CAPN7: variants seen among roughly 807,000 people sequenced by gnomAD.
CAPN7 encodes calpain-7.
Under a neutral mutation model 115.2 loss-of-function variants are expected in CAPN7, and 72 were observed. The ratio of observed to expected loss-of-function variants is 0.63; its 90% CI spans 0.52 to 0.76. The LOEUF (loss-of-function observed/expected upper bound fraction) is 0.76. Ranked by LOEUF, CAPN7 falls within the 30% of genes least tolerant of loss-of-function variation. The pLI is 0.00. For missense variants in CAPN7, 905 were observed against 971.5 expected (o/e 0.93, Z 0.91); for synonymous variants, 344 against 322.3 (o/e 1.07, Z -0.72).
chr3:15,243,279 C>T (rs1695460404), intron 16 of CAPN7, among the ~76,000 whole-genome samples: 1 of 152,152 alleles, frequency 6.6e-6, no homozygotes, highest in Non-Finnish European at 1.5e-5. Context: ...GAGGTCAGAT[C>T]ACATGAGGTT....
chr3:15,230,863 T>TA (rs1001970417), intron 9 of CAPN7, among the ~76,000 whole-genome samples: 1 of 152,208 alleles, frequency 6.6e-6, no homozygotes, highest in Non-Finnish European at 1.5e-5. Flanking sequence ...TCAGACAAAC[T>TA]AAATCTGTTA....
chr3:15,214,459 A>G (rs2045130339), intron 2 of CAPN7, among the ~76,000 whole-genome samples: 2 of 152,112 alleles, frequency 1.3e-5, no homozygotes, highest in African/African-American at 4.8e-5. Flanking sequence ...ACAGTGGCTC[A>G]TGCCTGTAAT....
intron 6 of CAPN7, among the ~76,000 whole-genome samples, chr3:15,224,747 GAAAA>G (rs536531349): frequency 6.7e-6 from 1 of 150,234 alleles, no homozygotes; most frequent in South Asian, 2.1e-4. Flanking sequence ...TTTATTATTA[GAAAA>G]AAAAAGCTGG....
At chr3:15,210,902 G>T in intron 1 of CAPN7, 3 of 1,270,760 alleles carry the variant, frequency 2.4e-6, no homozygotes, top group Non-Finnish European at 3.1e-6. Flanking sequence ...AAGTGTACAC[G>T]CTTGGGTTAC....
intron 14 of CAPN7, 142 bp from the exon 15 acceptor site, chr3:15,241,311 T>C: frequency 1.4e-6 from 1 of 695,860 alleles, no homozygotes; most frequent in Non-Finnish European, 2.4e-6. Context: ...CTTTCCATGC[T>C]TCCTAGTTAT....
chr3:15,241,889 G>A (rs1379388279), intron 15 of CAPN7, among the ~76,000 whole-genome samples: 4 of 152,082 alleles, frequency 2.6e-5, no homozygotes, highest in African/African-American at 9.7e-5. Flanking sequence ...ATATGCTGAA[G>A]GGAATTTGGA....
chr3:15,232,703 G>A (rs574632298), intron 10 of CAPN7, 38 bp downstream of exon 10: 226 of 1,543,872 alleles, frequency 1.5e-4, no homozygotes, highest in Non-Finnish European at 1.9e-4. Context: ...ACAGATTTAA[G>A]CTATCTAATA....
chr3:15,233,955 T>A lies in CAPN7; in HGVS notation c.1268T>A (p.Phe423Tyr). 5 of 1,565,314 alleles carry A rather than the reference T, an allele frequency of 3.2e-6. No homozygotes were observed. Among genetic ancestry groups the A allele is most frequent in the Non-Finnish European group, 4.4e-6 (5 of 1,140,222 alleles). The change falls in exon 11 of 21, where the codon TTC (phenylalanine) becomes TAC (tyrosine). Residue 423 changes from phenylalanine (F) to tyrosine (Y), a missense_variant. This residue lies in a region of CAPN7 where 620 missense variants were observed against 703.4 expected (regional missense o/e 0.88). Transcript: ENST00000253693. ...DSQTFSKDNS[F>Y]RMLYQRFHKG... Reference sequence around the variant, plus strand: ...CAAACTTTCAGTAAGGATAATTCTTTCAGAATGCTTTATCAAAGGTAAACA... The same window carrying A: ...CAAACTTTCAGTAAGGATAATTCTTACAGAATGCTTTATCAAAGGTAAACA...
chr3:15,211,724 A>G (rs962442823), intron 1 of CAPN7, among the ~76,000 whole-genome samples: 15 of 152,054 alleles, frequency 9.9e-5, no homozygotes, highest in Admixed American at 1.3e-4. Flanking sequence ...GCAGAACCCA[A>G]TCTCTACTAA....
At chr3:15,229,566 T>C (rs967979154) in intron 8 of CAPN7, among the ~76,000 whole-genome samples, 4 of 78,280 alleles carry the variant, frequency 5.1e-5, no homozygotes, top group Non-Finnish European at 1.1e-4. Context: ...TTTTTCTTTT[T>C]TTTTTTTTTT....
At chr3:15,213,879 AT>A (rs113975216) in intron 2 of CAPN7, among the ~76,000 whole-genome samples, 14,512 of 137,252 alleles carry the variant, frequency 0.11, 2,239 homozygotes, top group African/African-American at 0.36. Flanking sequence ...TTCAAAAAGG[AT>A]TTTTTTTTTT....
chr3:15,214,380 T>G (rs1204721834), intron 2 of CAPN7, among the ~76,000 whole-genome samples: 13 of 152,216 alleles, frequency 8.5e-5, no homozygotes, highest in Admixed American at 7.9e-4. Context: ...GTTAAGAGAA[T>G]CCTGAGAGAG....
chr3:15,244,219 G>T (rs1246035416), intron 16 of CAPN7, among the ~76,000 whole-genome samples: 1 of 152,164 alleles, frequency 6.6e-6, no homozygotes, highest in Admixed American at 6.5e-5. Flanking sequence ...ATGTGTTGAT[G>T]GCAGGCACTG....
At chr3:15,243,630 C>G (rs963037641) in intron 16 of CAPN7, among the ~76,000 whole-genome samples, 2 of 152,032 alleles carry the variant, frequency 1.3e-5, no homozygotes, top group African/African-American at 4.8e-5. Context: ...ATAACCCAAG[C>G]AAAGAACATT....
chr3:15,227,833 C>A lies in CAPN7; in HGVS notation c.726-6C>A. On this transcript the variant is annotated splice_polypyrimidine_tract_variant and splice_region_variant and intron_variant, in intron 6 of 20. Coordinates refer to ENST00000253693, the MANE Select transcript of CAPN7 (RefSeq NM_014296.3). ...TTTTTTATTTTAATTTTTATTATTACCTCAGTGATAGATGGGGCAAGCTAC... is the reference window on the plus strand; with the variant it reads ...TTTTTTATTTTAATTTTTATTATTAACTCAGTGATAGATGGGGCAAGCTAC... 6.9e-7 allele frequency: 1 copy of A among 1,453,704 alleles called. No individual in the cohort carries two copies. Among genetic ancestry groups the A allele is most frequent in the Admixed American group, 2.6e-5 (1 of 38,804 alleles). The allele number at this position is 1,453,704 out of a possible 1,614,324, so 90.1% of individuals were successfully genotyped here.
chr3:15,235,221 C>G, intron 12 of CAPN7, 76 bp downstream of exon 12: 1 of 1,273,004 alleles, frequency 7.9e-7, no homozygotes. Context: ...ATTTATCAGA[C>G]TTCTGAATAC....
intron 19 of CAPN7, among the ~76,000 whole-genome samples, chr3:15,250,303 A>AG (rs1302738679): frequency 2.0e-5 from 3 of 151,990 alleles, no homozygotes; most frequent in Non-Finnish European, 4.4e-5. Flanking sequence ...CGAGTCCAGG[A>AG]GGGCAAGGCT....
chr3:15,220,793 G>C lies in CAPN7; in HGVS notation c.450G>C (p.Leu150=), dbSNP rs1176829886. 6.2e-7 allele frequency: 1 copy of C among 1,614,172 alleles called. No homozygotes were observed. The highest frequency in any genetic ancestry group is 1.3e-5 in the African/African-American group (1 of 75,052). The change falls in exon 5 of 21, where the codon CTG becomes CTC. Residue 150 remains leucine (L), a synonymous_variant. Coordinates refer to ENST00000253693, the MANE Select transcript of CAPN7 (RefSeq NM_014296.3). ...ARQALDRAEA[L]SEPLTKPVGK... Reference sequence around the variant, plus strand: ...CTCTCTGTTATAGAGCAGAAGCGCTGAGTGAGCCTTTGACCAAGCCAGTTG... The same window carrying C: ...CTCTCTGTTATAGAGCAGAAGCGCTCAGTGAGCCTTTGACCAAGCCAGTTG...
At position 15,217,563 on chromosome 3, in the gene CAPN7, T is replaced by C; in HGVS notation, c.350T>C (p.Val117Ala). The change falls in exon 3 of 21, where the codon GTG (valine) becomes GCG (alanine). Residue 117 changes from valine (V) to alanine (A), a missense_variant. Physicochemically the swap from Val to Ala is moderately conservative, Grantham distance 64. This residue lies in a region of CAPN7 where 271 missense variants were observed against 239.6 expected (regional missense o/e 1.13). Transcript: ENST00000253693. Reference sequence around the variant, plus strand: ...GCTATAGAATTGTACACAGAAGCTGTGGATCTCTGTCTGAAAACAGTGTGT... The same window carrying C: ...GCTATAGAATTGTACACAGAAGCTGCGGATCTCTGTCTGAAAACAGTGTGT... ...EDAIELYTEA[V>A]DLCLKTSYET... 1 of 1,612,724 alleles carries C rather than the reference T, an allele frequency of 6.2e-7. No homozygotes were observed. Among genetic ancestry groups the C allele is most frequent in the Non-Finnish European group, 8.5e-7 (1 of 1,179,422 alleles).
Sources: allele counts gnomAD v4.1 joint callset (sites outside exome capture counted in the v4.1 genomes callset), GRCh38; gene constraint gnomAD v4.1.1; regional missense constraint gnomAD v4.1.1; transcripts MANE v1.5; gene names NCBI Gene and HGNC (gene_info 2026-07-23, HGNC 2026-07-21).